TUBGCP4: variants seen among roughly 807,000 people sequenced by gnomAD.
The protein encoded by TUBGCP4 is tubulin gamma complex component 4, also known as gamma-tubulin complex component 4.
A neutral mutation model predicts 91.6 loss-of-function variants in TUBGCP4; 54 were observed. The ratio of observed to expected loss-of-function variants is 0.59; its 90% CI spans 0.47 to 0.74. TUBGCP4 has a LOEUF of 0.74. Among genes scored for constraint, TUBGCP4 ranks in the 30% least tolerant of loss-of-function variants. The pLI is 0.00. For synonymous variants in TUBGCP4, 297 were observed against 302.8 expected (o/e 0.98, Z 0.20); for missense variants, 593 against 800.9 (o/e 0.74, Z 3.13).
At chr15:43,378,122 C>T (rs958761107) in intron 5 of TUBGCP4, among the ~76,000 whole-genome samples, 1 of 152,092 alleles carries the variant, frequency 6.6e-6, no homozygotes, top group African/African-American at 2.4e-5. Flanking sequence ...AGGAAATGTT[C>T]ATAGATGTTC....
In TUBGCP4 at chr15:43,398,166, G is replaced by GCT; in HGVS notation, c.1406_1407dup (p.Val470LeufsTer14). 1 of 1,612,168 alleles carries GCT rather than the reference G, an allele frequency of 6.2e-7. No homozygotes were observed. On this transcript the variant is annotated frameshift_variant, in exon 13 of 18. Coordinates refer to ENST00000564079, the MANE Select transcript of TUBGCP4 (RefSeq NM_014444.5). LOFTEE classifies it high-confidence loss of function. ...GCCACTACATATTCTCTTCACCCCA[G>GCT]CTGTCCTGGAAAAGTGAGTATTTCT...
intron 9 of TUBGCP4, among the ~76,000 whole-genome samples, chr15:43,388,395 T>G (rs2044415651): frequency 6.6e-6 from 1 of 152,210 alleles, no homozygotes; most frequent in African/African-American, 2.4e-5. Context: ...TGTTCGATCT[T>G]AAAATGGCTG....
chr15:43,396,533 A>C (rs771049142), intron 11 of TUBGCP4, among the ~76,000 whole-genome samples: 5 of 152,260 alleles, frequency 3.3e-5, no homozygotes, highest in Non-Finnish European at 7.3e-5. Context: ...CTGTACTTAT[A>C]TAGTACAAAT....
intron 7 of TUBGCP4, among the ~76,000 whole-genome samples, chr15:43,384,834 A>G (rs2044331400): frequency 6.6e-6 from 1 of 152,238 alleles, no homozygotes; most frequent in Non-Finnish European, 1.5e-5. Flanking sequence ...TCAAGATTAG[A>G]GGCAGGTCGA....
chr15:43,398,220 C>G (rs2142868620), intron 13 of TUBGCP4, 41 bp downstream of exon 13: 2 of 1,588,888 alleles, frequency 1.3e-6, no homozygotes, highest in East Asian at 2.3e-5. Flanking sequence ...TATGACCCAC[C>G]TTACTTGTAA....
chr15:43,397,550 T>G (rs1361584008), intron 12 of TUBGCP4, among the ~76,000 whole-genome samples: 1 of 152,086 alleles, frequency 6.6e-6, no homozygotes, highest in East Asian at 1.9e-4. Context: ...TGTTTTTTTT[T>G]GTCATGCTGC....
intron 15 of TUBGCP4, chr15:43,402,130 A>G (rs1476035278): frequency 7.4e-6 from 2 of 270,780 alleles, no homozygotes; most frequent in African/African-American, 4.5e-5. Flanking sequence ...AGAAAAAAAA[A>G]ATAATAGGTG....
In TUBGCP4 at chr15:43,406,600, G is replaced by GA. The variant is rs1476777956; in HGVS notation, c.*1393dup. 6.6e-6 allele frequency: 3 copies of GA among 455,822 alleles called. No homozygotes were observed. The highest frequency in any genetic ancestry group is 2.0e-5 in the African/African-American group (1 of 50,044). 28.2% of individuals were successfully genotyped at this position (455,822 alleles called of 1,614,324 possible). On this transcript the variant is annotated 3_prime_UTR_variant, in exon 18 of 18. Coordinates refer to ENST00000564079, the MANE Select transcript of TUBGCP4 (RefSeq NM_014444.5). ...AATATTTACTCTTTGACCCTTTACA[G>GA]AAAAAAACCTTGTTGACCCCTGCTT...
intron 14 of TUBGCP4, among the ~76,000 whole-genome samples, chr15:43,400,684 G>A (rs1338858743): frequency 6.6e-6 from 1 of 152,158 alleles, no homozygotes; most frequent in Admixed American, 6.5e-5. Context: ...GGGAGGCTGA[G>A]ATGGGCGGAT....
intron 17 of TUBGCP4, 124 bp downstream of exon 17, chr15:43,404,676 A>G (rs1164123642): frequency 6.8e-6 from 7 of 1,022,414 alleles, no homozygotes; most frequent in Non-Finnish European, 8.5e-6. Context: ...AGGCTTAGAG[A>G]TAGAGGTGTG....
chr15:43,402,072 A>G, intron 15 of TUBGCP4: 1 of 417,666 alleles, frequency 2.4e-6, no homozygotes, highest in African/African-American at 2.0e-5. Context: ...GGAGTTCAAG[A>G]CCAGCCTGGC....
Position 43,406,608 on chromosome 15 carries a change from C to T in TUBGCP4, c.*1394C>T, listed in dbSNP as rs1419637954. 2.2e-6 allele frequency: 1 copy of T among 455,916 alleles called. No homozygotes were observed. The highest frequency in any genetic ancestry group is 4.4e-6 in the Non-Finnish European group (1 of 226,758). The allele number at this position is 455,916 out of a possible 1,614,324, so 28.2% of individuals were successfully genotyped here. A position where few individuals can be genotyped will look rare whatever the true frequency, so the allele number is the denominator to read the frequency against. On this transcript the variant is annotated 3_prime_UTR_variant, in exon 18 of 18. Transcript: ENST00000564079. ...CTCTTTGACCCTTTACAGAAAAAAA[C>T]CTTGTTGACCCCTGCTTTAGAGAAT...
In TUBGCP4 at chr15:43,406,674, G is replaced by A. The variant is rs1595510843; in HGVS notation, c.*1460G>A. 1 of 449,338 alleles carries A rather than the reference G, an allele frequency of 2.2e-6. No homozygotes were observed. Among genetic ancestry groups the A allele is most frequent in the Non-Finnish European group, 4.4e-6 (1 of 224,952 alleles). The allele number at this position is 449,338 out of a possible 1,614,324, so 27.8% of individuals were successfully genotyped here. A position where few individuals can be genotyped will look rare whatever the true frequency, so the allele number is the denominator to read the frequency against. ...GATCAGTGATGCCAGAGGAAGGGAA[G>A]GAACTGCTTCCAGCTATTGTGACAA... is the stretch of plus-strand genomic sequence containing the variant. On this transcript the variant is annotated 3_prime_UTR_variant, in exon 18 of 18. Transcript: ENST00000564079.
chr15:43,396,337 A>G (rs1219788577), intron 11 of TUBGCP4, among the ~76,000 whole-genome samples: 1 of 152,220 alleles, frequency 6.6e-6, no homozygotes, highest in Non-Finnish European at 1.5e-5. Flanking sequence ...TGTATCAGTC[A>G]AAGAGGTCAG....
At chr15:43,392,036 TAGAGTA>T (rs2044476811) in intron 9 of TUBGCP4, among the ~76,000 whole-genome samples, 1 of 147,280 alleles carries the variant, frequency 6.8e-6, no homozygotes, top group African/African-American at 2.5e-5. Context: ...GCCTGGACAA[TAGAGTA>T]AGACTCCGTC....
chr15:43,389,329 A>T (rs1289477659), intron 9 of TUBGCP4, among the ~76,000 whole-genome samples: 1 of 152,110 alleles, frequency 6.6e-6, no homozygotes, highest in Non-Finnish European at 1.5e-5. Context: ...TAATAGTCTG[A>T]TTCTATCAGT....
Position 43,407,566 on chromosome 15 carries a change from A to G in TUBGCP4, c.*2352A>G, listed in dbSNP as rs1343837129. On this transcript the variant is annotated 3_prime_UTR_variant, in exon 18 of 18. Coordinates refer to ENST00000564079, the MANE Select transcript of TUBGCP4 (RefSeq NM_014444.5). ...CCACCACATCAAATACCCCTAAAGC[A>G]ATATCTGCAAGGAGCAAGGGAAAGT... 1.2e-6 allele frequency: 2 copies of G among 1,610,014 alleles called. No homozygotes were observed. Among genetic ancestry groups the G allele is most frequent in the South Asian group, 1.1e-5 (1 of 90,762 alleles).
At chr15:43,401,176 C>T (rs1218917033) in intron 14 of TUBGCP4, among the ~76,000 whole-genome samples, 4 of 151,700 alleles carry the variant, frequency 2.6e-5, no homozygotes, top group African/African-American at 4.8e-5. Context: ...GGAGGCTGGG[C>T]GCAGTGGCTC....
chr15:43,407,488 C>T lies in TUBGCP4; in HGVS notation c.*2274C>T. ...CCCACTCTTGTGACACCACAGGCAG[C>T]TGCAATGCTTCAGCACACTTCAGCA... is the stretch of plus-strand genomic sequence containing the variant. On this transcript the variant is annotated 3_prime_UTR_variant, in exon 18 of 18. Coordinates refer to ENST00000564079, the MANE Select transcript of TUBGCP4 (RefSeq NM_014444.5). 10 of 1,614,244 alleles carry T rather than the reference C, an allele frequency of 6.2e-6. No individual in the cohort carries two copies. The highest frequency in any genetic ancestry group is 8.5e-6 in the Non-Finnish European group (10 of 1,180,042).
Sources: allele counts gnomAD v4.1 joint callset (sites outside exome capture counted in the v4.1 genomes callset), GRCh38; gene constraint gnomAD v4.1.1; transcripts MANE v1.5; gene names NCBI Gene and HGNC (gene_info 2026-07-23, HGNC 2026-07-21).